RAB27A: variants seen among roughly 807,000 people sequenced by gnomAD.
RAB27A encodes RAB27A, member RAS oncogene family, also known as ras-related protein Rab-27A.
A neutral mutation model predicts 20.8 loss-of-function variants in RAB27A; 17 were observed. That is an observed-to-expected ratio of 0.82 (90% confidence interval 0.56 to 1.23). The LOEUF is 1.23. Among genes scored for constraint, RAB27A ranks in the 50% most tolerant of loss-of-function variants. RAB27A has a pLI of 0.00. For missense variants in RAB27A, 277 were observed against 266.7 expected, an observed-to-expected ratio of 1.04 and a Z score of -0.27; for synonymous variants, 85 against 92.8, an observed-to-expected ratio of 0.92 and a Z score of 0.48.
intron 6 of RAB27A, among the ~76,000 whole-genome samples, chr15:55,223,013 T>C (rs936088152): frequency 6.6e-6 from 1 of 151,400 alleles, no homozygotes; most frequent in African/African-American, 2.4e-5. Flanking sequence ...CTGCTGCTGC[T>C]ATGATCCTAT....
intron 2 of RAB27A, among the ~76,000 whole-genome samples, chr15:55,301,493 T>C (rs1000559637): frequency 6.6e-6 from 1 of 152,006 alleles, no homozygotes; most frequent in Non-Finnish European, 1.5e-5. Flanking sequence ...GTGGTTTGCA[T>C]GCAGTGTCTT....
intron 6 of RAB27A, among the ~76,000 whole-genome samples, chr15:55,221,415 G>A (rs759956483): frequency 5.3e-5 from 8 of 152,144 alleles, no homozygotes; most frequent in Non-Finnish European, 7.4e-5. Context: ...AGCATTCTCT[G>A]TGGTAATCGT....
intron 2 of RAB27A, among the ~76,000 whole-genome samples, chr15:55,308,646 C>G (rs2141145379): frequency 6.6e-6 from 1 of 152,304 alleles, no homozygotes; most frequent in Middle Eastern, 3.4e-3. Flanking sequence ...CAGTTATGTT[C>G]TATCTTTTCT....
chr15:55,318,168 G>A (rs1277715489), intron 1 of RAB27A, among the ~76,000 whole-genome samples: 4 of 149,684 alleles, frequency 2.7e-5, no homozygotes, highest in African/African-American at 7.4e-5. Context: ...CGCAATCTCG[G>A]CTCACTGCAA....
In RAB27A at chr15:55,241,626, G is replaced by GTGTGTATATATATATATA. The variant is rs1566915390; in HGVS notation, c.-22-6671_-22-6670insTATATATATATATACACA. ...TATATATATATATATATATATATAT[G>GTGTGTATATATATATATA]TGTGTATATATATTTGTTTTTTTTT... On this transcript the variant is annotated intron_variant, in intron 2 of 6. Transcript: ENST00000336787. Among the ~76,000 whole-genome samples the GTGTGTATATATATATATA allele has an allele frequency of 2.7e-3, 289 of 106,884 alleles. 5 individuals carry two copies. The highest frequency in any genetic ancestry group is 0.017 in the African/African-American group (278 of 16,502). 70.1% of individuals were successfully genotyped at this position (106,884 alleles called of 152,430 possible). A position where few individuals can be genotyped will look rare whatever the true frequency, so the allele number is the denominator to read the frequency against.
At chr15:55,300,552 G>A (rs2054967503) in intron 2 of RAB27A, among the ~76,000 whole-genome samples, 1 of 152,116 alleles carries the variant, frequency 6.6e-6, no homozygotes, top group South Asian at 2.1e-4. Context: ...AGTGGTACCT[G>A]CCTGTAATCC....
Position 55,264,055 on chromosome 15 carries a change from T to G in RAB27A, c.-23+6110A>C, listed in dbSNP as rs28521796. On this transcript the variant is annotated intron_variant, in intron 2 of 6. Coordinates refer to ENST00000336787, the MANE Select transcript of RAB27A (RefSeq NM_183235.3). ...TTTTTTCTGTTTGTTTGTTTGTTTT[T>G]GTTTTTTGAGACAAGAGTCTCACTC... 2.0e-5 allele frequency among the ~76,000 whole-genome samples: 3 copies of G among 152,334 alleles called. No individual in the cohort carries two copies. In the East Asian group the frequency reaches 5.8e-4, roughly 29 times the overall value.
intron 1 of RAB27A, among the ~76,000 whole-genome samples, chr15:55,277,746 C>T (rs1486707712): frequency 1.3e-5 from 2 of 152,212 alleles, no homozygotes; most frequent in Admixed American, 6.5e-5. Context: ...ATTTTCAATA[C>T]ATTAACCATT....
chr15:55,223,136 C>A (rs1215749470), intron 6 of RAB27A, among the ~76,000 whole-genome samples: 1 of 152,184 alleles, frequency 6.6e-6, no homozygotes, highest in East Asian at 1.9e-4. Context: ...TCAAAACCAG[C>A]ACCTAATCTG....
At chr15:55,210,426 G>T (rs7178980) in intron 6 of RAB27A, among the ~76,000 whole-genome samples, 2,647 of 99,104 alleles carry the variant, frequency 0.027, 108 homozygotes, top group African/African-American at 0.13. Flanking sequence ...TTTTTTTTTT[G>T]AGGGGGGGGG....
intron 5 of RAB27A, among the ~76,000 whole-genome samples, chr15:55,226,154 C>A (rs1211416778): frequency 2.0e-5 from 3 of 152,130 alleles, no homozygotes; most frequent in Non-Finnish European, 2.9e-5. Flanking sequence ...CCTTAGGAAA[C>A]ACACTAGCAC....
chr15:55,316,166 C>T (rs1333155330), intron 1 of RAB27A, among the ~76,000 whole-genome samples: 1 of 145,592 alleles, frequency 6.9e-6, no homozygotes, highest in Non-Finnish European at 1.5e-5. Context: ...GAGGCGGAGG[C>T]AGAGGTTGCA....
Position 55,204,256 on chromosome 15 carries a change from A to G in RAB27A, c.*1251T>C, listed in dbSNP as rs1894536214. ...TATAAACAACTTCCATGAAACATAT[A>G]TTAAAACCACCTTTAATTTGGTATG... On this transcript the variant is annotated 3_prime_UTR_variant, in exon 7 of 7. Transcript: ENST00000336787. 6.6e-6 allele frequency: 1 copy of G among 152,244 alleles called. No individual in the cohort carries two copies. Among genetic ancestry groups the G allele is most frequent in the Admixed American group, 6.5e-5 (1 of 15,290 alleles). The allele number at this position is 152,244 out of a possible 1,614,324, so 9.4% of individuals were successfully genotyped here. A position where few individuals can be genotyped will look rare whatever the true frequency, so the allele number is the denominator to read the frequency against.
chr15:55,208,550 C>T (rs142399712), intron 6 of RAB27A, among the ~76,000 whole-genome samples: 192 of 152,284 alleles, frequency 1.3e-3, no homozygotes, highest in African/African-American at 4.5e-3. Flanking sequence ...TTCATGACCC[C>T]AGAAGTTAAA....
At chr15:55,208,196 A>G (rs1265382375) in intron 6 of RAB27A, among the ~76,000 whole-genome samples, 2 of 152,242 alleles carry the variant, frequency 1.3e-5, no homozygotes, top group Non-Finnish European at 2.9e-5. Flanking sequence ...TCAACATGGC[A>G]AAAATTAAAC....
intron 1 of RAB27A, among the ~76,000 whole-genome samples, chr15:55,288,534 G>A (rs1898219335): frequency 6.6e-6 from 1 of 150,864 alleles, no homozygotes; most frequent in South Asian, 2.1e-4. Flanking sequence ...AGAAAAAAAA[G>A]GAAAAATAGA....
In RAB27A at chr15:55,305,713, T is replaced by C. The variant is rs150868583; in HGVS notation, c.-112+8326A>G. ...TAAAAATAAACAGATTCCCCCTCTT[T>C]CAGTGGTTAGCAAGTCTAAAACTCT... On this transcript the variant is annotated intron_variant, in intron 2 of 5. Transcript: ENST00000563262. 7.1e-4 allele frequency among the ~76,000 whole-genome samples: 108 copies of C among 152,336 alleles called. 1 individual carries two copies. Among genetic ancestry groups the C allele is most frequent in the African/African-American group, 2.6e-3 (108 of 41,574 alleles).
chr15:55,302,154 G>A, intron 2 of RAB27A, among the ~76,000 whole-genome samples: 1 of 146,530 alleles, frequency 6.8e-6, no homozygotes, highest in Non-Finnish European at 1.5e-5. Context: ...TCCAGCCTGG[G>A]TGACAGAGGG....
At chr15:55,302,673 G>A (rs1218864148) in intron 2 of RAB27A, among the ~76,000 whole-genome samples, 4 of 113,506 alleles carry the variant, frequency 3.5e-5, no homozygotes, top group East Asian at 3.2e-4. Flanking sequence ...AGTGAGGAGC[G>A]TCTCTGCCCG....
Sources: gnomAD v4.1 joint callset for allele counts (sites outside exome capture counted in the v4.1 genomes callset) on GRCh38, gnomAD v4.1.1 for gene constraint, MANE v1.5 for transcripts, NCBI Gene and HGNC (gene_info 2026-07-23, HGNC 2026-07-21) for gene names.